Variants in AKAP17A observed in about 807,000 individuals in gnomAD.
AKAP17A encodes A-kinase anchoring protein 17A.
A neutral mutation model predicts 52.2 loss-of-function variants in AKAP17A; 15 were observed. The observed-to-expected ratio is 0.29, with a 90% CI of 0.19 to 0.44. AKAP17A has a LOEUF of 0.44. AKAP17A is among the 20% of genes least tolerant of loss of function. AKAP17A has a pLI of 1.00. For missense variants in AKAP17A, 1,060 were observed against 1,007.0 expected, an observed-to-expected ratio of 1.05 and a Z score of -0.71; for synonymous variants, 514 against 424.7, an observed-to-expected ratio of 1.21 and a Z score of -2.58.
intron 3 of AKAP17A, among the ~76,000 whole-genome samples, chrX:1,598,511 C>G (rs1195824426): frequency 1.3e-5 from 2 of 152,134 alleles, no homozygotes; most frequent in Non-Finnish European, 2.9e-5. Flanking sequence ...CGACTTGTTC[C>G]CATGTCCGGT....
intron 3 of AKAP17A, among the ~76,000 whole-genome samples, chrX:1,595,852 G>T (rs1459758478): frequency 4.6e-5 from 7 of 151,912 alleles, no homozygotes; most frequent in African/African-American, 1.5e-4. Flanking sequence ...CTTCTGTATC[G>T]GCACATAGCA....
At chrX:1,599,894 C>T in intron 4 of AKAP17A, 2 of 561,366 alleles carry the variant, frequency 3.6e-6, no homozygotes, top group Admixed American at 6.1e-5. Flanking sequence ...GCCCGGGTCC[C>T]TCCTCCGCAG....
In AKAP17A at chrX:1,591,616, G is replaced by A. The variant is rs1477315802; in HGVS notation, c.-173G>A. 4 of 152,212 alleles carry A rather than the reference G, an allele frequency of 2.6e-5. No individual in the cohort carries two copies. The highest frequency in any genetic ancestry group is 9.7e-5 in the African/African-American group (4 of 41,430). The allele number at this position is 152,212 out of a possible 1,614,324, so 9.4% of individuals were successfully genotyped here. A position where few individuals can be genotyped will look rare whatever the true frequency, so the allele number is the denominator to read the frequency against. On this transcript the variant is annotated 5_prime_UTR_variant, in exon 1 of 5. Coordinates refer to ENST00000313871, the MANE Select transcript of AKAP17A (RefSeq NM_005088.3). ...GAAGTGGAAATGCGTCATAGAGGGC[G>A]GGCGGCGACGGCGGTGGCGGCGTCG...
chrX:1,598,378 C>G (rs6644622), intron 3 of AKAP17A, among the ~76,000 whole-genome samples: 111,503 of 152,000 alleles, frequency 0.73, 41,861 homozygotes, highest in African/African-American at 0.9. Flanking sequence ...GTCTCCTCTC[C>G]CCTTGGTGTC....
rs1185028946 is a variant in AKAP17A at position 1,594,023 on chromosome X, G to A, written c.561G>A (p.Val187=). Residue 187 remains valine, a synonymous_variant, in exon 2 of 5, where the codon GTG becomes GTA. Transcript: ENST00000313871. ...VFEKFGEIRN[V]DIPMLDPYRE... is the part of the protein sequence containing the mutation. ...AGAAGTTCGGGGAGATCCGGAATGTGGACATCCCCATGCTGGACCCCTACC... is the reference window on the plus strand; with the variant it reads ...AGAAGTTCGGGGAGATCCGGAATGTAGACATCCCCATGCTGGACCCCTACC... The A allele has an allele frequency of 1.2e-6, 2 of 1,608,768 alleles. No individual in the cohort carries two copies. Among genetic ancestry groups the A allele is most frequent in the Non-Finnish European group, 1.7e-6 (2 of 1,177,350 alleles).
chrX:1,597,133 G>T (rs774132839), intron 3 of AKAP17A, among the ~76,000 whole-genome samples: 1 of 152,220 alleles, frequency 6.6e-6, no homozygotes, highest in African/African-American at 2.4e-5. Flanking sequence ...GCTGGTGCCA[G>T]CGTGTTGATG....
intron 3 of AKAP17A, among the ~76,000 whole-genome samples, chrX:1,596,003 G>A (rs1932958214): frequency 6.6e-6 from 1 of 152,116 alleles, no homozygotes; most frequent in African/African-American, 2.4e-5. Context: ...AGACGCAGCA[G>A]AATATGAATG....
chrX:1,592,038 G>A (rs1932846993), intron 1 of AKAP17A, among the ~76,000 whole-genome samples: 2 of 151,622 alleles, frequency 1.3e-5, no homozygotes, highest in Admixed American at 1.3e-4. Flanking sequence ...GGACTGCACC[G>A]AAGGAGCTGA....
At chrX:1,592,939 C>G (rs1408886061) in intron 1 of AKAP17A, among the ~76,000 whole-genome samples, 2 of 152,128 alleles carry the variant, frequency 1.3e-5, no homozygotes, top group Non-Finnish European at 2.9e-5. Context: ...TGTTGCAGCC[C>G]GAGACTTCCT....
intron 2 of AKAP17A, among the ~76,000 whole-genome samples, chrX:1,594,602 A>T (rs1272111829): frequency 5.3e-5 from 8 of 150,934 alleles, no homozygotes; most frequent in Non-Finnish European, 1.0e-4. Flanking sequence ...GTGCTTTTTT[A>T]TTTTTTTTAT....
At position 1,594,219 on chromosome X, in the gene AKAP17A, A is replaced by G; in HGVS notation, c.757A>G (p.Ile253Val). The change falls in exon 2 of 5, where the codon ATC (isoleucine) becomes GTC (valine). Residue 253 changes from isoleucine (I) to valine (V), a missense_variant. By Grantham distance (29) the Ile-to-Val change is conservative. Transcript: ENST00000313871. ...GGACGGCAAGGCCGTGGCCTGCAAC[A>G]TCAAGGTGAGTCCTGGGCACCGAGA... ...GEDGKAVACN[I>V]KVSFDSTKHL... 5 of 1,532,362 alleles carry G rather than the reference A, an allele frequency of 3.3e-6. No individual in the cohort carries two copies. The highest frequency in any genetic ancestry group is 4.4e-6 in the Non-Finnish European group (5 of 1,138,684). 94.9% of individuals were successfully genotyped at this position (1,532,362 alleles called of 1,614,324 possible). A position where few individuals can be genotyped will look rare whatever the true frequency, so the allele number is the denominator to read the frequency against.
intron 4 of AKAP17A, chrX:1,600,052 C>A: frequency 1.2e-6 from 1 of 821,956 alleles, no homozygotes; most frequent in African/African-American, 1.7e-5. Flanking sequence ...GGACAGACGT[C>A]CCCGGCACGC....
chrX:1,600,167 CAA>C (rs1405396000), intron 4 of AKAP17A: 2 of 1,305,258 alleles, frequency 1.5e-6, no homozygotes, highest in African/African-American at 1.5e-5. Context: ...AGGAGCATGA[CAA>C]GAGGCTGAGA....
At chrX:1,599,777 C>T in intron 4 of AKAP17A, 1 of 606,016 alleles carries the variant, frequency 1.7e-6, no homozygotes, top group Non-Finnish European at 2.9e-6. Flanking sequence ...TGGCCCGCGC[C>T]TCTGTGTGTG....
chrX:1,593,572 C>T lies in AKAP17A; in HGVS notation c.110C>T (p.Pro37Leu). The change falls in exon 2 of 5, where the codon CCG becomes CTG. Residue 37 changes from proline to leucine, a missense_variant. By Grantham distance (98) the Pro-to-Leu change is moderately conservative. Around this residue, in one of 2 missense-constraint regions of AKAP17A, gnomAD observed 267 missense variants for 377.1 expected, o/e 0.71. Coordinates refer to ENST00000313871, the MANE Select transcript of AKAP17A (RefSeq NM_005088.3). ...ITKMTISVAL[P>L]QLKQPGKSIS... ...AAGATGACCATCAGCGTGGCACTCC[C>T]GCAGCTGAAGCAGCCGGGGAAGTCC... 1.2e-6 allele frequency: 2 copies of T among 1,613,786 alleles called. No homozygotes were observed. The highest frequency in any genetic ancestry group is 1.7e-6 in the Non-Finnish European group (2 of 1,179,878).
At chrX:1,595,187 T>C (rs780909040) in intron 2 of AKAP17A, among the ~76,000 whole-genome samples, 197 bp from the exon 3 acceptor site, 1 of 152,370 alleles carries the variant, frequency 6.6e-6, no homozygotes, top group Admixed American at 6.5e-5. Context: ...GAGCCACTGA[T>C]GGTGACTTGA....
At position 1,601,406 on chromosome X, in the gene AKAP17A, C is replaced by T. The variant is rs1460886081; in HGVS notation, c.1900C>T (p.Pro634Ser). 6.4e-7 allele frequency: 1 copy of T among 1,564,210 alleles called. No individual in the cohort carries two copies. The highest frequency in any genetic ancestry group is 2.3e-5 in the East Asian group (1 of 44,292). The change falls in exon 5 of 5, where the codon CCC becomes TCC. Residue 634 changes from proline (P) to serine (S), a missense_variant. Physicochemically the swap from Pro to Ser is moderately conservative, Grantham distance 74. Around this residue, in one of 2 missense-constraint regions of AKAP17A, gnomAD observed 793 missense variants for 629.9 expected, o/e 1.26. Coordinates refer to ENST00000313871, the MANE Select transcript of AKAP17A (RefSeq NM_005088.3). Reference sequence around the variant, plus strand: ...GAAGCACGCCTACAAGGATGACAGCCCCCGCCGGCGCAGCACGAGCCCGGA... The same window carrying T: ...GAAGCACGCCTACAAGGATGACAGCTCCCGCCGGCGCAGCACGAGCCCGGA... ...HKKHAYKDDS[P>S]RRRSTSPDHT...
In AKAP17A at chrX:1,601,451, T is replaced by C. The variant is rs749856358; in HGVS notation, c.1945T>C (p.Ser649Pro). ...CCCGGACCACACCCGGTCCCGGAGG[T>C]CCCACAGCAAAGACAGGCACCGGAG... The part of the protein sequence containing the change: ...TSPDHTRSRR[S>P]HSKDRHRRER... Residue 649 changes from serine (S) to proline (P), a missense_variant, in exon 5 of 5, where the codon TCC becomes CCC. This residue lies in a region of AKAP17A where 793 missense variants were observed against 629.9 expected (regional missense o/e 1.26). Transcript: ENST00000313871. The C allele has an allele frequency of 5.1e-6, 8 of 1,572,716 alleles. No individual in the cohort carries two copies. In the East Asian group the frequency reaches 1.4e-4, roughly 27 times the overall value.
intron 3 of AKAP17A, 97 bp from the exon 4 acceptor site, chrX:1,599,095 C>T (rs1319640587): frequency 5.0e-5 from 77 of 1,526,794 alleles, no homozygotes; most frequent in South Asian, 4.4e-4. Context: ...ATCGTTGGAC[C>T]GTGGCCTGTT....
Sources: allele counts gnomAD v4.1 joint callset (sites outside exome capture counted in the v4.1 genomes callset), GRCh38; gene constraint gnomAD v4.1.1; regional missense constraint gnomAD v4.1.1; transcripts MANE v1.5; gene names NCBI Gene and HGNC (gene_info 2026-07-23, HGNC 2026-07-21).